CEP83: variants seen among roughly 807,000 people sequenced by gnomAD.
CEP83 encodes the protein centrosomal protein 83.
Under a neutral mutation model 101.9 loss-of-function variants are expected in CEP83, and 70 were observed. The observed-to-expected ratio is 0.69, with a 90% CI of 0.57 to 0.84. CEP83 has a LOEUF of 0.84. CEP83 is among the 40% of genes least tolerant of loss of function. The pLI is 0.00. For synonymous variants in CEP83, 264 were observed against 267.9 expected, an observed-to-expected ratio of 0.99 and a Z score of 0.14; for missense variants, 715 against 787.2, an observed-to-expected ratio of 0.91 and a Z score of 1.10.
chr12:94,336,412 T>A (rs2059449310), intron 11 of CEP83, among the ~76,000 whole-genome samples: 1 of 152,228 alleles, frequency 6.6e-6, no homozygotes, highest in Non-Finnish European at 1.5e-5. Flanking sequence ...ATAATTCACT[T>A]GGCACCTATT....
intron 14 of CEP83, chr12:94,328,353 G>A: frequency 3.9e-6 from 1 of 258,914 alleles, no homozygotes; most frequent in East Asian, 1.4e-4. Flanking sequence ...TTACACCAAA[G>A]ACTACTTAAA....
intron 13 of CEP83, among the ~76,000 whole-genome samples, chr12:94,332,887 C>T (rs1328932681): frequency 2.6e-5 from 4 of 151,718 alleles, no homozygotes; most frequent in Non-Finnish European, 4.4e-5. Flanking sequence ...ACTTACAAGG[C>T]CAACATGTTA....
downstream of CEP83, among the ~76,000 whole-genome samples, chr12:94,304,730 C>T (rs907332904): frequency 2.0e-5 from 3 of 152,138 alleles, no homozygotes; most frequent in Admixed American, 2.0e-4. Flanking sequence ...ATAAGCATCC[C>T]TCGTTCCAGG....
At chr12:94,310,164 A>G in intron 15 of CEP83, 57 bp from the exon 16 acceptor site, 1 of 731,764 alleles carries the variant, frequency 1.4e-6, no homozygotes, top group Non-Finnish European at 2.1e-6. Context: ...GAAGCACAGT[A>G]TGATTCACAG....
intron 4 of CEP83, among the ~76,000 whole-genome samples, chr12:94,408,292 A>C (rs1443130587): frequency 4.6e-5 from 7 of 152,226 alleles, no homozygotes; most frequent in Admixed American, 3.3e-4. Flanking sequence ...TACAAAGAAT[A>C]CTTTAAGGCG....
At chr12:94,408,823 G>C (rs1320311497) in intron 4 of CEP83, among the ~76,000 whole-genome samples, 1 of 151,996 alleles carries the variant, frequency 6.6e-6, no homozygotes, top group Non-Finnish European at 1.5e-5. Context: ...CTAGCCTCAA[G>C]TGATCCTCCT....
chr12:94,308,811 C>A lies in CEP83; in HGVS notation c.*2G>T. The A allele has an allele frequency of 6.3e-7, 1 of 1,594,948 alleles. No homozygotes were observed. Among genetic ancestry groups the A allele is most frequent in the Non-Finnish European group, 8.6e-7 (1 of 1,162,950 alleles). On this transcript the variant is annotated 3_prime_UTR_variant, in exon 17 of 17. Coordinates refer to ENST00000397809, the MANE Select transcript of CEP83 (RefSeq NM_016122.3). ...TTTTGATCTGCCTGTTCTCCAAGAA[C>A]ATCATTCTCCGGAAGATCCAAGTTC...
intron 11 of CEP83, among the ~76,000 whole-genome samples, chr12:94,338,266 A>G (rs2059534347): frequency 6.6e-6 from 1 of 152,214 alleles, no homozygotes; most frequent in Non-Finnish European, 1.5e-5. Context: ...TGGTAAGAGA[A>G]ACAGAAAACA....
intron 6 of CEP83, among the ~76,000 whole-genome samples, chr12:94,384,821 T>C (rs2062042251): frequency 6.6e-6 from 1 of 152,210 alleles, no homozygotes; most frequent in Admixed American, 6.5e-5. Context: ...TAATTCCTCA[T>C]TGAATCATTC....
At chr12:94,428,065 C>T (rs1237910631) in intron 2 of CEP83, among the ~76,000 whole-genome samples, 3 of 152,220 alleles carry the variant, frequency 2.0e-5, no homozygotes, top group African/African-American at 4.8e-5. Flanking sequence ...TAGCAATCAA[C>T]CACCAAGCAC....
At chr12:94,340,732 C>A (rs2059646668) in intron 11 of CEP83, among the ~76,000 whole-genome samples, 1 of 152,204 alleles carries the variant, frequency 6.6e-6, no homozygotes, top group Non-Finnish European at 1.5e-5. Flanking sequence ...CCACCACGCC[C>A]AGCCTCGACT....
chr12:94,343,462 GA>G (rs1410074952), intron 11 of CEP83, among the ~76,000 whole-genome samples: 2 of 134,072 alleles, frequency 1.5e-5, no homozygotes, highest in Admixed American at 7.3e-5. Flanking sequence ...AATAAAGCTA[GA>G]AATTAACTTT....
the CEP83 span, chr12:94,298,673 T>C: frequency 6.2e-7 from 1 of 1,610,152 alleles, no homozygotes; most frequent in Non-Finnish European, 8.5e-7. Context: ...TTAGAAGCAT[T>C]TGGAGTTTAC....
the CEP83 span, among the ~76,000 whole-genome samples, chr12:94,283,783 C>G: frequency 6.6e-6 from 1 of 152,106 alleles, no homozygotes; most frequent in African/African-American, 2.4e-5. Context: ...ACCAGCTGAT[C>G]CATCAAGAGC....
At chr12:94,361,910 A>G (rs961423016) in intron 11 of CEP83, among the ~76,000 whole-genome samples, 4 of 152,156 alleles carry the variant, frequency 2.6e-5, no homozygotes, top group African/African-American at 9.7e-5. Flanking sequence ...CATGTTGGTC[A>G]GGCTGGTCTT....
chr12:94,412,884 G>A (rs891197744), intron 2 of CEP83, among the ~76,000 whole-genome samples: 5 of 147,378 alleles, frequency 3.4e-5, no homozygotes, highest in African/African-American at 5.0e-5. Flanking sequence ...ACGGAGTCTC[G>A]CTCGTTCGCC....
At chr12:94,459,373 C>T (rs2067969090) in intron 1 of CEP83, among the ~76,000 whole-genome samples, 184 bp downstream of exon 1, 1 of 152,200 alleles carries the variant, frequency 6.6e-6, no homozygotes, top group African/African-American at 2.4e-5. Context: ...AACCACCAAG[C>T]CAGAGTGCAT....
At chr12:94,314,585 T>C (rs1036367422) in intron 14 of CEP83, among the ~76,000 whole-genome samples, 2 of 152,240 alleles carry the variant, frequency 1.3e-5, no homozygotes, top group Non-Finnish European at 2.9e-5. Flanking sequence ...GATTATTGCA[T>C]AACCTAGTAT....
chr12:94,349,992 AAAG>A (rs1271484975), intron 11 of CEP83, among the ~76,000 whole-genome samples: 1 of 152,218 alleles, frequency 6.6e-6, no homozygotes, highest in Admixed American at 6.5e-5. Flanking sequence ...AACAGAAATT[AAAG>A]AAGATATAAA....
Sources: gnomAD v4.1 joint callset for allele counts (sites outside exome capture counted in the v4.1 genomes callset) on GRCh38, gnomAD v4.1.1 for gene constraint, MANE v1.5 for transcripts, NCBI Gene and HGNC (gene_info 2026-07-23, HGNC 2026-07-21) for gene names.